The following FOXP1 variants were observed in gnomAD, a reference collection of about 807,000 sequenced individuals.
FOXP1 encodes the protein forkhead box protein P1.
Under a neutral mutation model 98.2 loss-of-function variants are expected in FOXP1, and 15 were observed. The observed-to-expected ratio is 0.15, with a 90% CI of 0.10 to 0.24. The LOEUF is 0.24. Among genes scored for constraint, FOXP1 ranks in the 10% least tolerant of loss-of-function variants. The pLI, the probability that FOXP1 is intolerant of heterozygous loss-of-function variation, is 1.00. For synonymous variants in FOXP1, 371 were observed against 314.5 expected (o/e 1.18, Z -1.90); for missense variants, 633 against 848.5 (o/e 0.75, Z 3.15).
intron 11 of FOXP1, among the ~76,000 whole-genome samples, chr3:71,016,936 G>A (rs2044582608): frequency 6.6e-6 from 1 of 151,752 alleles, no homozygotes; most frequent in East Asian, 1.9e-4. Flanking sequence ...GAATAATTTT[G>A]CTGGAAATCT....
intron 5 of FOXP1, among the ~76,000 whole-genome samples, chr3:71,229,732 TA>T (rs540585923): frequency 6.6e-6 from 1 of 151,258 alleles, no homozygotes; most frequent in African/African-American, 2.4e-5. Flanking sequence ...CTTTGAAATT[TA>T]AAAAAAAATA....
At chr3:71,252,066 G>A (rs2068235350) in intron 5 of FOXP1, among the ~76,000 whole-genome samples, 1 of 151,968 alleles carries the variant, frequency 6.6e-6, no homozygotes, top group Admixed American at 6.5e-5. Context: ...GAAGATGACT[G>A]AAAAGATATA....
rs113156979 is a variant in FOXP1, at chr3:71,275,800, G to A, written c.-12+24020C>T. ...CATGCCCGTGTCCCTGGAGGTTACG[G>A]GAGTGGTTCCCCATCCTCTCATGCT... On this transcript the variant is annotated intron_variant, in intron 5 of 20. Transcript: ENST00000649528. 2.0e-5 allele frequency among the ~76,000 whole-genome samples: 3 copies of A among 152,220 alleles called. 1 individual carries two copies. Among genetic ancestry groups the A allele is most frequent in the African/African-American group, 7.2e-5 (3 of 41,550 alleles).
chr3:71,189,677 T>C (rs2062850559), intron 6 of FOXP1, among the ~76,000 whole-genome samples: 1 of 152,194 alleles, frequency 6.6e-6, no homozygotes, highest in South Asian at 2.1e-4. Context: ...CTCCTTGGTA[T>C]TTGCATACCT....
chr3:71,327,986 T>A (rs2076021477), intron 4 of FOXP1, among the ~76,000 whole-genome samples: 1 of 152,188 alleles, frequency 6.6e-6, no homozygotes. Flanking sequence ...CACAAGCACC[T>A]CAAATATTGT....
intron 7 of FOXP1, among the ~76,000 whole-genome samples, chr3:71,068,604 A>G (rs762518168): frequency 1.3e-5 from 2 of 152,184 alleles, no homozygotes; most frequent in Admixed American, 6.5e-5. Context: ...CCAAAACCTT[A>G]ATTCAAGTTT....
intron 3 of FOXP1, among the ~76,000 whole-genome samples, chr3:71,419,180 A>G (rs1203306985): frequency 8.1e-6 from 1 of 123,904 alleles, no homozygotes; most frequent in Non-Finnish European, 1.6e-5. Flanking sequence ...GGTTGCAGTG[A>G]GCTGTGATTG....
At chr3:71,557,918 G>C (rs1054017551) in intron 2 of FOXP1, among the ~76,000 whole-genome samples, 12 of 152,206 alleles carry the variant, frequency 7.9e-5, no homozygotes, top group African/African-American at 2.9e-4. Context: ...CCAGGTTCAC[G>C]TGATTCTCCT....
chr3:71,162,328 GC>G (rs1203601524), intron 6 of FOXP1, among the ~76,000 whole-genome samples: 1 of 152,164 alleles, frequency 6.6e-6, no homozygotes, highest in Non-Finnish European at 1.5e-5. Context: ...TAGGACAAAT[GC>G]AACTAAATAC....
intron 12 of FOXP1, among the ~76,000 whole-genome samples, chr3:71,009,520 G>A (rs2043279789): frequency 6.6e-6 from 1 of 152,080 alleles, no homozygotes; most frequent in South Asian, 2.1e-4. Context: ...CTTTTTACCA[G>A]AGGTTTCTGA....
At chr3:71,490,860 C>T (rs1160957799) in intron 3 of FOXP1, among the ~76,000 whole-genome samples, 1 of 152,042 alleles carries the variant, frequency 6.6e-6, no homozygotes, top group Non-Finnish European at 1.5e-5. Context: ...TCTCTCAATA[C>T]CAAAGACAGA....
chr3:71,124,974 C>T (rs1522170), intron 6 of FOXP1, among the ~76,000 whole-genome samples: 194 of 152,312 alleles, frequency 1.3e-3, no homozygotes, highest in African/African-American at 4.5e-3. Context: ...AAAAAGCAAA[C>T]TGAGGACAAG....
At chr3:71,041,126 A>G (rs192755415) in intron 11 of FOXP1, among the ~76,000 whole-genome samples, 3 of 152,330 alleles carry the variant, frequency 2.0e-5, no homozygotes, top group Admixed American at 6.5e-5. Flanking sequence ...GTAGATCTAC[A>G]TAAGTGCTAA....
chr3:71,561,842 T>C (rs1402060515), intron 2 of FOXP1, among the ~76,000 whole-genome samples: 3 of 152,228 alleles, frequency 2.0e-5, no homozygotes, highest in Admixed American at 1.3e-4. Flanking sequence ...ATTCCAAAGA[T>C]GCATTCCCAC....
intron 3 of FOXP1, among the ~76,000 whole-genome samples, chr3:71,382,583 G>A (rs2080263137): frequency 6.6e-6 from 1 of 152,122 alleles, no homozygotes; most frequent in Admixed American, 6.5e-5. Context: ...CCACTCTCCT[G>A]CTTCACATGT....
intron 5 of FOXP1, among the ~76,000 whole-genome samples, chr3:71,257,178 T>C (rs1415669846): frequency 6.6e-6 from 1 of 152,186 alleles, no homozygotes; most frequent in Non-Finnish European, 1.5e-5. Flanking sequence ...TCCTAAATTA[T>C]AAAAATTTGG....
At chr3:71,441,706 T>G (rs2085959578) in intron 3 of FOXP1, among the ~76,000 whole-genome samples, 1 of 152,122 alleles carries the variant, frequency 6.6e-6, no homozygotes, top group East Asian at 1.9e-4. Flanking sequence ...AACCCTCAAG[T>G]TCTCAAACTC....
At chr3:70,981,916 CAG>C (rs1310447446) in intron 14 of FOXP1, among the ~76,000 whole-genome samples, 1 of 152,234 alleles carries the variant, frequency 6.6e-6, no homozygotes, top group Non-Finnish European at 1.5e-5. Context: ...ACTCCAAACA[CAG>C]GGTGCTTTGC....
At chr3:71,582,958 G>A (rs2048306749) in intron 1 of FOXP1, among the ~76,000 whole-genome samples, 1 of 152,150 alleles carries the variant, frequency 6.6e-6, no homozygotes, top group South Asian at 2.1e-4. Flanking sequence ...AGGGCACCGA[G>A]GGGGCACACA....
Sources: gnomAD v4.1 joint callset for allele counts (sites outside exome capture counted in the v4.1 genomes callset) on GRCh38, gnomAD v4.1.1 for gene constraint, MANE v1.5 for transcripts, NCBI Gene and HGNC (gene_info 2026-07-23, HGNC 2026-07-21) for gene names.